The following CFAP47 variants were observed in gnomAD, a reference collection of about 807,000 sequenced individuals.
CFAP47 encodes cilia and flagella associated protein 47.
In CFAP47, 29 loss-of-function variants were observed where a neutral mutation model predicts 148.1. The ratio of observed to expected loss-of-function variants is 0.20; its 90% CI spans 0.15 to 0.27. The LOEUF (loss-of-function observed/expected upper bound fraction) is 0.27, where lower values mean the gene tolerates loss of function less well. Among genes scored for constraint, CFAP47 ranks in the 10% least tolerant of loss-of-function variants. The pLI, the probability that CFAP47 is intolerant of heterozygous loss-of-function variation, is 1.00. For synonymous variants in CFAP47, 664 were observed against 577.3 expected (o/e 1.15, Z -2.15); for missense variants, 1,872 against 1,697.5 (o/e 1.10, Z -1.81).
chrX:36,184,691 TG>T (rs1411610954), intron 40 of CFAP47, among the ~76,000 whole-genome samples: 2 of 111,953 alleles, frequency 1.8e-5, no homozygotes, highest in Non-Finnish European at 3.8e-5. Context: ...CCCAGCACTT[TG>T]GGAGGCTGGG....
At chrX:36,099,727 G>A (rs770549107) in intron 31 of CFAP47, 24 bp from the exon 32 acceptor site, 4 of 711,059 alleles carry the variant, frequency 5.6e-6, no homozygotes, top group Non-Finnish European at 8.4e-6. Flanking sequence ...TTTAATTAAT[G>A]TTGTACTATT....
chrX:36,144,892 C>A, intron 35 of CFAP47: 1 of 937,001 alleles, frequency 1.1e-6, no homozygotes, highest in Non-Finnish European at 1.4e-6. Flanking sequence ...CAGAATGGGG[C>A]CTGCACTGTA....
chrX:36,118,521 A>T (rs6527538), intron 33 of CFAP47, among the ~76,000 whole-genome samples: 1 of 110,129 alleles, frequency 9.1e-6, no homozygotes, highest in African/African-American at 3.3e-5. Context: ...CCAGGCTGGA[A>T]TGCCGTGGCG....
At position 36,154,704 on chromosome X, in the gene CFAP47, T is replaced by C. The variant is rs749358689; in HGVS notation, c.5787-4722T>C. Among the ~76,000 whole-genome samples the C allele has an allele frequency of 4.5e-5, 5 of 111,559 alleles. No homozygotes were observed. In the East Asian group the frequency reaches 1.4e-3, roughly 32 times the overall value. On this transcript the variant is annotated intron_variant, in intron 37 of 63. Transcript: ENST00000378653. ...TGAGGCTTTACCAGAATCACCCTTTTAGGTAATTTCTAAGAATGTTCAAGC... is the reference window on the plus strand; with the variant it reads ...TGAGGCTTTACCAGAATCACCCTTTCAGGTAATTTCTAAGAATGTTCAAGC...
rs750057634 is a variant in CFAP47 at position 36,085,337 on chromosome X, A to G, written c.4715A>G (p.Tyr1572Cys). Residue 1572 changes from tyrosine to cysteine, a missense_variant, in exon 30 of 64, where the codon TAC becomes TGC. Coordinates refer to ENST00000378653, the MANE Select transcript of CFAP47 (RefSeq NM_001304548.2). ...IRRDVYKMQF[Y>C]SSTSPPQKFS... The stretch of plus-strand genomic sequence containing the variant: ...AGGGATGTATATAAAATGCAATTCT[A>G]CTCATCAACCTCGCCACCCCAAAAG... 1.7e-6 allele frequency: 2 copies of G among 1,195,172 alleles called. No individual in the cohort carries two copies. Among genetic ancestry groups the G allele is most frequent in the East Asian group, 3.0e-5 (1 of 33,600 alleles).
intron 13 of CFAP47, among the ~76,000 whole-genome samples, chrX:35,973,217 T>C (rs966512019): frequency 1.8e-5 from 2 of 111,421 alleles, no homozygotes; most frequent in African/African-American, 3.3e-5. Flanking sequence ...TGCGACGGAG[T>C]CTCGCTCTGT....
chrX:36,282,844 A>G (rs1941094232), intron 50 of CFAP47, among the ~76,000 whole-genome samples: 1 of 112,048 alleles, frequency 8.9e-6, no homozygotes, highest in African/African-American at 3.2e-5. Context: ...TAAACTTTTA[A>G]TAATTTTTTA....
intron 28 of CFAP47, 46 bp from the exon 29 acceptor site, chrX:36,073,093 C>T: frequency 1.1e-6 from 1 of 913,331 alleles, no homozygotes; most frequent in Non-Finnish European, 1.6e-6. Context: ...GAATATTTTA[C>T]TCCTCGTCAA....
At chrX:36,290,204 A>G (rs1941180499) in intron 51 of CFAP47, among the ~76,000 whole-genome samples, 2 of 111,853 alleles carry the variant, frequency 1.8e-5, no homozygotes, top group African/African-American at 3.2e-5. Context: ...ATGACTCTGT[A>G]TAAGAATTTT....
Position 35,956,128 on chromosome X carries a change from C to G in CFAP47, c.1342C>G (p.His448Asp). 2 of 1,211,030 alleles carry G rather than the reference C, an allele frequency of 1.7e-6. No homozygotes were observed. Among genetic ancestry groups the G allele is most frequent in the Non-Finnish European group, 2.2e-6 (2 of 895,202 alleles). ...NQCELLPVTY[H>D]FKKTANFEID... The stretch of plus-strand genomic sequence containing the variant: ...ATGCGAATTACTTCCTGTGACGTAC[C>G]ACTTTAAAAAAACTGCAAATTTTGA... Residue 448 changes from histidine to aspartate, a missense_variant, in exon 8 of 64, where the codon CAC (histidine) becomes GAC (aspartate). Physicochemically the swap from His to Asp is moderately conservative, Grantham distance 81. Coordinates refer to ENST00000378653, the MANE Select transcript of CFAP47 (RefSeq NM_001304548.2).
chrX:35,929,546 T>A (rs753626601), intron 2 of CFAP47, among the ~76,000 whole-genome samples: 1 of 112,287 alleles, frequency 8.9e-6, no homozygotes, highest in South Asian at 3.7e-4. Context: ...GAGGTTTTTG[T>A]ATGTTTTTTT....
At chrX:36,106,544 G>A (rs1452059487) in intron 33 of CFAP47, among the ~76,000 whole-genome samples, 5 of 111,752 alleles carry the variant, frequency 4.5e-5, no homozygotes, top group South Asian at 3.7e-4. Flanking sequence ...GTGCCTAGAC[G>A]ATGCACACTC....
At chrX:36,144,411 T>A (rs756206293) in intron 35 of CFAP47, 328 of 634,581 alleles carry the variant, frequency 5.2e-4, no homozygotes, top group Non-Finnish European at 6.5e-4. Context: ...TCACAAATAT[T>A]TTAAATGTTT....
chrX:36,042,965 A>T (rs1232680340), intron 25 of CFAP47, among the ~76,000 whole-genome samples: 5 of 111,956 alleles, frequency 4.5e-5, no homozygotes, highest in Non-Finnish European at 9.4e-5. Context: ...ACCAAGGAAT[A>T]AAATAGCCTT....
At chrX:36,032,314 AAAACGTGAC>A (rs1937288886) in intron 23 of CFAP47, among the ~76,000 whole-genome samples, 1 of 110,619 alleles carries the variant, frequency 9.0e-6, no homozygotes, top group African/African-American at 3.3e-5. Flanking sequence ...GGAGAAAAAA[AAAACGTGAC>A]TCTAATCTTC....
intron 19 of CFAP47, among the ~76,000 whole-genome samples, chrX:35,999,351 A>C (rs888152745): frequency 4.5e-5 from 5 of 111,938 alleles, no homozygotes; most frequent in African/African-American, 1.6e-4. Flanking sequence ...AAGAAACTCC[A>C]TGGTATTTTA....
At chrX:36,265,989 T>A (rs191444367) in intron 49 of CFAP47, among the ~76,000 whole-genome samples, 1 of 112,186 alleles carries the variant, frequency 8.9e-6, no homozygotes, top group East Asian at 2.8e-4. Context: ...AATTCCACAT[T>A]GCTGGGCTAT....
intron 37 of CFAP47, among the ~76,000 whole-genome samples, chrX:36,152,360 A>G (rs1162582035): frequency 3.6e-5 from 4 of 111,753 alleles, no homozygotes; most frequent in Non-Finnish European, 7.5e-5. Flanking sequence ...CTAGGTATCC[A>G]GAACTTACTC....
chrX:36,167,533 T>C (rs1939506968), intron 39 of CFAP47, among the ~76,000 whole-genome samples: 1 of 111,357 alleles, frequency 9.0e-6, no homozygotes, highest in Non-Finnish European at 1.9e-5. Context: ...TCGTGAGAGC[T>C]TCAGTCCGTG....
Sources: allele counts gnomAD v4.1 joint callset (sites outside exome capture counted in the v4.1 genomes callset), GRCh38; gene constraint gnomAD v4.1.1; transcripts MANE v1.5; gene names NCBI Gene and HGNC (gene_info 2026-07-23, HGNC 2026-07-21).